The following TEX9 variants were observed in gnomAD, a reference collection of about 807,000 sequenced individuals.
TEX9 encodes the protein testis expressed 9.
In TEX9, 74 loss-of-function variants were observed where a neutral mutation model predicts 59.6. The observed-to-expected ratio is 1.24, with a 90% confidence interval of 1.03 to 1.51. The LOEUF (loss-of-function observed/expected upper bound fraction) is 1.51. TEX9 is among the 40% of genes most tolerant of loss of function. The pLI is 0.00. For synonymous variants in TEX9, 186 were observed against 152.2 expected (o/e 1.22, Z -1.64); for missense variants, 522 against 447.8 (o/e 1.17, Z -1.49).
intron 12 of TEX9, chr15:56,428,879 GTGT>G (rs2050458613): frequency 2.0e-6 from 1 of 490,972 alleles, no homozygotes; most frequent in Non-Finnish European, 3.6e-6. Flanking sequence ...GTGCTCTGTA[GTGT>G]TGTAGAAATC....
chr15:56,430,839 A>G (rs2050570657), intron 12 of TEX9, among the ~76,000 whole-genome samples: 1 of 152,210 alleles, frequency 6.6e-6, no homozygotes, highest in Non-Finnish European at 1.5e-5. Context: ...GGGTAGCTTT[A>G]GATTTCCTAC....
chr15:56,441,830 C>T lies in TEX9; in HGVS notation c.*30-3841C>T, dbSNP rs186127543. ...GAGATCGAGACCATCCTGGCTAACACGGTGAAACCCCATCTCTACTAAAAA... is the reference window on the plus strand; with the variant it reads ...GAGATCGAGACCATCCTGGCTAACATGGTGAAACCCCATCTCTACTAAAAA... On this transcript the variant is annotated intron_variant, in intron 12 of 12. Coordinates refer to ENST00000352903, the Ensembl canonical transcript of TEX9. Among the ~76,000 whole-genome samples the T allele has an allele frequency of 2.5e-3, 387 of 151,990 alleles. 2 individuals carry two copies. Among genetic ancestry groups the T allele is most frequent in the Middle Eastern group, 6.8e-3 (2 of 294 alleles).
At chr15:56,384,618 T>C (rs2047881701) in intron 4 of TEX9, among the ~76,000 whole-genome samples, 1 of 152,204 alleles carries the variant, frequency 6.6e-6, no homozygotes, top group African/African-American at 2.4e-5. Flanking sequence ...AATGTTGAAA[T>C]TGGTATTGGG....
intron 5 of TEX9, among the ~76,000 whole-genome samples, chr15:56,389,077 C>A (rs1455870922): frequency 6.6e-6 from 1 of 151,984 alleles, no homozygotes; most frequent in African/African-American, 2.4e-5. Context: ...CACTGGCTAG[C>A]TGAATACCAT....
intron 3 of TEX9, among the ~76,000 whole-genome samples, chr15:56,380,138 G>T (rs1336266068): frequency 6.6e-6 from 1 of 151,702 alleles, no homozygotes. Context: ...TTTCTCTTGT[G>T]GTATAATTTA....
the TEX9 span, among the ~76,000 whole-genome samples, chr15:56,459,329 A>G: frequency 6.6e-6 from 1 of 152,162 alleles, no homozygotes; most frequent in Non-Finnish European, 1.5e-5. Flanking sequence ...TCCATTGTAT[A>G]GATGTAACAC....
intron 3 of TEX9, among the ~76,000 whole-genome samples, chr15:56,380,430 T>G (rs2047672940): frequency 6.8e-6 from 1 of 147,328 alleles, no homozygotes; most frequent in African/African-American, 2.7e-5. Context: ...ATTTAGTCTT[T>G]CTACTTTAGA....
intron 1 of TEX9, among the ~76,000 whole-genome samples, chr15:56,300,711 GAGAGAGA>G (rs2045335712): frequency 1.8e-5 from 1 of 54,366 alleles, no homozygotes; most frequent in Non-Finnish European, 5.7e-5. Context: ...GAGAGAGGGA[GAGAGAGA>G]GAGAGAGAGA....
At chr15:56,446,826 C>G, downstream of TEX9, 1 of 1,564,198 alleles carries the variant, frequency 6.4e-7, no homozygotes, top group African/African-American at 1.4e-5. Flanking sequence ...ACATAATGAC[C>G]AGAAACATGA....
At chr15:56,311,107 C>A (rs2045600488) in intron 1 of TEX9, among the ~76,000 whole-genome samples, 1 of 147,548 alleles carries the variant, frequency 6.8e-6, no homozygotes, top group South Asian at 2.1e-4. Flanking sequence ...CCCCTTCTCC[C>A]TTGGTGACTC....
chr15:56,319,175 G>A (rs867720611), intron 1 of TEX9, among the ~76,000 whole-genome samples: 1 of 151,662 alleles, frequency 6.6e-6, no homozygotes, highest in Admixed American at 6.6e-5. Context: ...AATTTCTTAG[G>A]TCATAAGGCA....
intron 1 of TEX9, among the ~76,000 whole-genome samples, chr15:56,315,341 G>C (rs9707875): frequency 0.34 from 46,976 of 139,994 alleles, 8,209 homozygotes; most frequent in East Asian, 0.76. Context: ...TGTAAGGCAG[G>C]CCTGGTGGTG....
intron 10 of TEX9, among the ~76,000 whole-genome samples, chr15:56,420,175 C>T (rs1184435828): frequency 6.6e-6 from 1 of 151,736 alleles, no homozygotes; most frequent in African/African-American, 2.4e-5. Context: ...TCTGATCAGT[C>T]TTACTAGAGG....
chr15:56,264,034 A>G (rs2044325657), intron 1 of TEX9, among the ~76,000 whole-genome samples: 1 of 152,178 alleles, frequency 6.6e-6, no homozygotes, highest in Non-Finnish European at 1.5e-5. Flanking sequence ...CTTTGGAAAA[A>G]GTTGCTATAA....
intron 1 of TEX9, among the ~76,000 whole-genome samples, chr15:56,263,442 G>C (rs1215199273): frequency 6.6e-6 from 1 of 152,042 alleles, no homozygotes; most frequent in East Asian, 1.9e-4. Flanking sequence ...TTTTGTTTCT[G>C]TTTTTAAATT....
chr15:56,431,252 C>T, intron 12 of TEX9: 1 of 1,112,930 alleles, frequency 9.0e-7, no homozygotes, highest in Non-Finnish European at 1.3e-6. Context: ...AGGAGGATCC[C>T]ATTGCTGCTT....
chr15:56,261,689 C>T (rs2044272152), intron 1 of TEX9, among the ~76,000 whole-genome samples: 1 of 152,040 alleles, frequency 6.6e-6, no homozygotes, highest in African/African-American at 2.4e-5. Context: ...TGCACTCCAG[C>T]CTGGGCAATA....
At chr15:56,254,654 A>G (rs1398886836) in intron 1 of TEX9, among the ~76,000 whole-genome samples, 1 of 151,884 alleles carries the variant, frequency 6.6e-6, no homozygotes, top group East Asian at 1.9e-4. Flanking sequence ...CAAGAATAAT[A>G]CAAGTTTGCA....
intron 1 of TEX9, among the ~76,000 whole-genome samples, chr15:56,318,889 A>C (rs7163807): frequency 0.37 from 55,975 of 151,922 alleles, 10,633 homozygotes; most frequent in Middle Eastern, 0.53. Flanking sequence ...TTTATAATTA[A>C]TAATTTATGC....
Sources: gnomAD v4.1 joint callset for allele counts (sites outside exome capture counted in the v4.1 genomes callset) on GRCh38, gnomAD v4.1.1 for gene constraint, MANE v1.5 for transcripts, NCBI Gene and HGNC (gene_info 2026-07-23, HGNC 2026-07-21) for gene names.